Variants in ADCY1 observed in about 807,000 individuals in gnomAD.
ADCY1 encodes the protein adenylate cyclase 1, also known as adenylate cyclase type 1.
Under a neutral mutation model 105.4 loss-of-function variants are expected in ADCY1, and 28 were observed. The ratio of observed to expected loss-of-function variants is 0.27; its 90% CI spans 0.20 to 0.36. The LOEUF (loss-of-function observed/expected upper bound fraction) is 0.36. Among genes scored for constraint, ADCY1 ranks in the 10% least tolerant of loss-of-function variants. ADCY1 has a pLI of 1.00. For synonymous variants in ADCY1, 655 were observed against 623.8 expected, an observed-to-expected ratio of 1.05 and a Z score of -0.75; for missense variants, 977 against 1,434.2, an observed-to-expected ratio of 0.68 and a Z score of 5.15.
In ADCY1 at chr7:45,711,889, TTTATATATTATATTAAATATATAAATATA is replaced by T. The variant is rs1554333292; in HGVS notation, c.3057+1265_3057+1293del. ...AATATATATTAAATATATAAATATA[TTTATATATTATATTAAATATATAAATATA>T]TTATATATTATATTAAATATATAAA... On this transcript the variant is annotated intron_variant, in intron 19 of 19. Coordinates refer to ENST00000297323, the MANE Select transcript of ADCY1 (RefSeq NM_021116.4). Among the ~76,000 whole-genome samples, 24 of 92,096 alleles carry T rather than the reference TTTATATATTATATTAAATATATAAATATA, an allele frequency of 2.6e-4. No individual in the cohort carries two copies. In the South Asian group the frequency reaches 3.3e-3, roughly 12 times the overall value. The allele number at this position is 92,096 out of a possible 152,430, so 60.4% of individuals were successfully genotyped here. A position where few individuals can be genotyped will look rare whatever the true frequency, so the allele number is the denominator to read the frequency against.
intron 10 of ADCY1, among the ~76,000 whole-genome samples, chr7:45,679,300 T>G (rs1301846589): frequency 1.3e-5 from 2 of 152,138 alleles, no homozygotes; most frequent in Admixed American, 6.5e-5. Flanking sequence ...ATGGGCCTAT[T>G]TGGGATTTAA....
rs775517988 is a variant in ADCY1 at position 45,704,530 on chromosome 7, G to T, written c.2731G>T (p.Asp911Tyr). Residue 911 changes from aspartate (D) to tyrosine (Y), a missense_variant, in exon 17 of 20, where the codon GAC becomes TAC. This residue lies in a region of ADCY1 where 152 missense variants were observed against 293.7 expected (regional missense o/e 0.52). Transcript: ENST00000297323. ...IADFDELMEKDFYKDIEKIKT... is the reference protein window; with the variant it reads ...IADFDELMEKYFYKDIEKIKT... The stretch of plus-strand genomic sequence containing the variant: ...GTTTTAAACAAAGCTCATGGAAAAA[G>T]ACTTTTACAAGGACATAGAGAAGAT... 1.2e-6 allele frequency: 2 copies of T among 1,614,080 alleles called. No homozygotes were observed. The highest frequency in any genetic ancestry group is 2.2e-5 in the East Asian group (1 of 44,880).
In ADCY1 at chr7:45,678,195, C is replaced by T. The variant is rs1366224321; in HGVS notation, c.1830C>T (p.Thr610=). 5 of 1,614,058 alleles carry T rather than the reference C, an allele frequency of 3.1e-6. No individual in the cohort carries two copies. Among genetic ancestry groups the T allele is most frequent in the Non-Finnish European group, 4.2e-6 (5 of 1,180,038 alleles). The part of the protein sequence containing the change: ...KYHQLQDEYF[T]SAVVLTLILA... ...ACCAGCTTCAGGACGAGTATTTCAC[C>T]AGCGCCGTTGTCCTCACCCTCATCC... The change falls in exon 10 of 20, where the codon ACC becomes ACT. Residue 610 remains threonine (T), a synonymous_variant. Coordinates refer to ENST00000297323, the MANE Select transcript of ADCY1 (RefSeq NM_021116.4).
At position 45,718,205 on chromosome 7, in the gene ADCY1, C is replaced by T. The variant is rs1012956722; in HGVS notation, c.*4210C>T. On this transcript the variant is annotated 3_prime_UTR_variant, in exon 20 of 20. Transcript: ENST00000297323. ...CAAAGGCACCCACTCCATCCAAGAT[C>T]CGTTCCAATTGATGAGCCTCAGTAC... 1 of 152,330 alleles carries T rather than the reference C, an allele frequency of 6.6e-6. No individual in the cohort carries two copies. The highest frequency in any genetic ancestry group is 6.5e-5 in the Admixed American group (1 of 15,286). 9.4% of individuals were successfully genotyped at this position (152,330 alleles called of 1,614,324 possible). A position where few individuals can be genotyped will look rare whatever the true frequency, so the allele number is the denominator to read the frequency against.
intron 5 of ADCY1, among the ~76,000 whole-genome samples, chr7:45,651,311 C>A (rs1226269934): frequency 6.6e-6 from 1 of 152,162 alleles, no homozygotes; most frequent in African/African-American, 2.4e-5. Context: ...GCACGGCCGG[C>A]CTTCTGTTGG....
In ADCY1 at chr7:45,592,046, G is replaced by A. The variant is rs556559241; in HGVS notation, c.640-713G>A. On this transcript the variant is annotated intron_variant, in intron 1 of 19. Transcript: ENST00000297323. ...CCAAATCAACATCTGGGCTGTTTTC[G>A]TTTTTTGTTTTTTTTTTTTTGTGAA... is the stretch of plus-strand genomic sequence containing the variant. Among the ~76,000 whole-genome samples, 134 of 148,970 alleles carry A rather than the reference G, an allele frequency of 9.0e-4. 1 individual carries two copies. The highest frequency in any genetic ancestry group is 2.7e-3 in the African/African-American group (108 of 40,006).
At chr7:45,685,179 G>A (rs951791674) in intron 12 of ADCY1, 111 bp downstream of exon 12, 23 of 1,025,182 alleles carry the variant, frequency 2.2e-5, no homozygotes, top group Middle Eastern at 4.5e-4. Flanking sequence ...CATCAGAGAC[G>A]TCAGTAACAG....
rs1017764924 is a variant in ADCY1 at position 45,719,135 on chromosome 7, AG to A, written c.*5142del. 1 of 153,024 alleles carries A rather than the reference AG, an allele frequency of 6.5e-6. No homozygotes were observed. Among genetic ancestry groups the A allele is most frequent in the African/African-American group, 2.4e-5 (1 of 41,444 alleles). The allele number at this position is 153,024 out of a possible 1,614,324, so 9.5% of individuals were successfully genotyped here. A position where few individuals can be genotyped will look rare whatever the true frequency, so the allele number is the denominator to read the frequency against. On this transcript the variant is annotated 3_prime_UTR_variant, in exon 20 of 20. Transcript: ENST00000297323. ...GCTGTGAAGGCAGAGGGGTCTCTGG[AG>A]GCAGACAGGGTGGGCTGGGGGCCAG... is the stretch of plus-strand genomic sequence containing the variant.
At chr7:45,687,870 C>T (rs903750671) in intron 14 of ADCY1, among the ~76,000 whole-genome samples, 3 of 152,166 alleles carry the variant, frequency 2.0e-5, no homozygotes, top group African/African-American at 7.2e-5. Context: ...AGGACAAGAG[C>T]ATTTTCACCC....
At chr7:45,680,516 G>A (rs1219214562) in intron 11 of ADCY1, 1 of 152,160 alleles carries the variant, frequency 6.6e-6, no homozygotes, top group Non-Finnish European at 1.5e-5. Context: ...GGCAGACCCA[G>A]TGTTATATTT....
chr7:45,610,189 G>A (rs1041911073), intron 2 of ADCY1, among the ~76,000 whole-genome samples, 190 bp from the exon 3 acceptor site: 1 of 152,216 alleles, frequency 6.6e-6, no homozygotes, highest in Non-Finnish European at 1.5e-5. Context: ...AGGGAGGCTT[G>A]GGTGTTGGGG....
intron 4 of ADCY1, among the ~76,000 whole-genome samples, chr7:45,642,581 G>GT (rs1301380077): frequency 6.6e-6 from 1 of 152,140 alleles, no homozygotes; most frequent in Non-Finnish European, 1.5e-5. Context: ...AGACTTAGTA[G>GT]TTTCTTGGAT....
chr7:45,649,615 C>T (rs926052359), intron 5 of ADCY1, among the ~76,000 whole-genome samples: 134 of 152,312 alleles, frequency 8.8e-4, no homozygotes, highest in Middle Eastern at 3.4e-3. Flanking sequence ...AGAGATGGGG[C>T]GAGACTGCTG....
chr7:45,677,858 G>A lies in ADCY1; in HGVS notation c.1606-11G>A. On this transcript the variant is annotated splice_polypyrimidine_tract_variant and intron_variant, in intron 8 of 19. Coordinates refer to ENST00000297323, the MANE Select transcript of ADCY1 (RefSeq NM_021116.4). ...TTTGATGATACTCCTTTATTTCCAT[G>A]ATGGCTCCAGCGGAGGGCATTAAGA... 1 of 1,610,218 alleles carries A rather than the reference G, an allele frequency of 6.2e-7. No homozygotes were observed. The highest frequency in any genetic ancestry group is 8.5e-7 in the Non-Finnish European group (1 of 1,178,638).
intron 3 of ADCY1, among the ~76,000 whole-genome samples, chr7:45,611,837 GT>G (rs1363773470): frequency 6.6e-6 from 1 of 152,122 alleles, no homozygotes; most frequent in Non-Finnish European, 1.5e-5. Flanking sequence ...CTTTTCTGCT[GT>G]TTTTTGCTGG....
At chr7:45,694,461 A>G (rs1179756386) in intron 14 of ADCY1, among the ~76,000 whole-genome samples, 1 of 152,230 alleles carries the variant, frequency 6.6e-6, no homozygotes, top group Non-Finnish European at 1.5e-5. Flanking sequence ...GGGTTCAGCT[A>G]AAGCAGTACT....
chr7:45,613,136 A>G (rs532579476), intron 3 of ADCY1, among the ~76,000 whole-genome samples: 2 of 152,388 alleles, frequency 1.3e-5, no homozygotes, highest in South Asian at 4.1e-4. Flanking sequence ...ACAGAGTTAT[A>G]TAATTTACCT....
rs1163497307 is a variant in ADCY1 at position 45,686,620 on chromosome 7, C to T, written c.2401C>T (p.His801Tyr). 1.9e-6 allele frequency: 3 copies of T among 1,613,414 alleles called. No individual in the cohort carries two copies. The highest frequency in any genetic ancestry group is 2.5e-6 in the Non-Finnish European group (3 of 1,179,536). ...ILLFSCALAL[H>Y]ARQVDIRLRL... is the part of the protein sequence containing the mutation. ...GCTCTTCTCCTGTGCGCTGGCCCTG[C>T]ATGCCAGGCAGGTGGACATCAGGCT... Residue 801 changes from histidine to tyrosine, a missense_variant, in exon 14 of 20, where the codon CAT becomes TAT. Physicochemically the swap from His to Tyr is moderately conservative, Grantham distance 83. Coordinates refer to ENST00000297323, the MANE Select transcript of ADCY1 (RefSeq NM_021116.4). The surrounding 1 kb of genome is among the most constrained non-coding windows in gnomAD (Gnocchi z 4.3).
At chr7:45,657,016 G>C (rs544930385) in intron 5 of ADCY1, among the ~76,000 whole-genome samples, 3 of 152,232 alleles carry the variant, frequency 2.0e-5, no homozygotes, top group Non-Finnish European at 4.4e-5. Flanking sequence ...ATTCGGCCAG[G>C]CTGGCCTGGG....
Sources: gnomAD v4.1 joint callset for allele counts (sites outside exome capture counted in the v4.1 genomes callset) on GRCh38, gnomAD v4.1.1 for gene constraint, gnomAD v4.1.1 regional missense constraint, Gnocchi (gnomAD v3.1) non-coding constraint, MANE v1.5 for transcripts, NCBI Gene and HGNC (gene_info 2026-07-23, HGNC 2026-07-21) for gene names.